The following RFX3 variants were observed in gnomAD, a reference collection of about 807,000 sequenced individuals.
RFX3 encodes transcription factor RFX3.
RFX3 carries 14 observed loss-of-function variants against 98.6 expected under a neutral mutation model. That is an observed-to-expected ratio of 0.14 (90% CI 0.09 to 0.22). The LOEUF (loss-of-function observed/expected upper bound fraction) is 0.22, where lower values mean the gene tolerates loss of function less well. Among genes scored for constraint, RFX3 ranks in the 10% least tolerant of loss-of-function variants. RFX3 has a pLI of 1.00. For missense variants in RFX3, 639 were observed against 926.9 expected, an observed-to-expected ratio of 0.69 and a Z score of 4.03; for synonymous variants, 383 against 328.4, an observed-to-expected ratio of 1.17 and a Z score of -1.80.
At chr9:3,333,064 ATCAGTACTCTCAACACTTAACACAGT>A (rs1343664526) in intron 3 of RFX3, among the ~76,000 whole-genome samples, 1 of 152,194 alleles carries the variant, frequency 6.6e-6, no homozygotes, top group East Asian at 1.9e-4. Flanking sequence ...TCCTACTCCC[ATCAGTACTCTCAACACTTAACACAGT>A]TGCTGGTACA....
intron 9 of RFX3, among the ~76,000 whole-genome samples, chr9:3,274,222 G>A (rs912819773): frequency 6.6e-6 from 1 of 152,120 alleles, no homozygotes; most frequent in Non-Finnish European, 1.5e-5. Flanking sequence ...TCAGATTTGC[G>A]CTAGCAATTC....
chr9:3,507,293 T>C (rs1817197690), intron 1 of RFX3, among the ~76,000 whole-genome samples: 2 of 151,782 alleles, frequency 1.3e-5, no homozygotes, highest in African/African-American at 2.4e-5. Flanking sequence ...TCTAATAGAA[T>C]AAAGGATGAG....
At chr9:3,311,294 C>G (rs776787402) in intron 4 of RFX3, among the ~76,000 whole-genome samples, 4 of 152,006 alleles carry the variant, frequency 2.6e-5, no homozygotes, top group Non-Finnish European at 5.9e-5. Flanking sequence ...ACATTTCTAC[C>G]TGGTTTGCAT....
intron 2 of RFX3, among the ~76,000 whole-genome samples, chr9:3,380,948 T>C (rs1463505327): frequency 6.6e-6 from 1 of 152,156 alleles, no homozygotes; most frequent in Non-Finnish European, 1.5e-5. Context: ...TGATAAAGTT[T>C]CTCAACTTCT....
chr9:3,320,627 T>TACAC (rs57819521), intron 4 of RFX3, among the ~76,000 whole-genome samples: 71 of 147,384 alleles, frequency 4.8e-4, no homozygotes, highest in East Asian at 3.9e-3. Flanking sequence ...TGTTTCTATT[T>TACAC]ACACACACAC....
chr9:3,235,821 G>C (rs965247373), intron 15 of RFX3, among the ~76,000 whole-genome samples: 33 of 152,014 alleles, frequency 2.2e-4, no homozygotes, highest in Non-Finnish European at 4.9e-4. Flanking sequence ...GGGCACACCT[G>C]GATAATCCAG....
At chr9:3,430,931 T>A (rs1243531416) in intron 1 of RFX3, among the ~76,000 whole-genome samples, 1 of 152,166 alleles carries the variant, frequency 6.6e-6, no homozygotes, top group Non-Finnish European at 1.5e-5. Context: ...ATAAATCCAT[T>A]ATAAAAAGTT....
At chr9:3,340,067 G>A (rs970459489) in intron 3 of RFX3, among the ~76,000 whole-genome samples, 1 of 152,060 alleles carries the variant, frequency 6.6e-6, no homozygotes, top group African/African-American at 2.4e-5. Flanking sequence ...ATAGACCAAC[G>A]GAACAGAACA....
intron 2 of RFX3, among the ~76,000 whole-genome samples, chr9:3,382,708 A>T (rs1214507531): frequency 1.3e-5 from 2 of 152,134 alleles, no homozygotes; most frequent in African/African-American, 4.8e-5. Context: ...GTAATTCTTA[A>T]TTAACATCTG....
intron 2 of RFX3, among the ~76,000 whole-genome samples, chr9:3,363,528 G>A (rs1315580039): frequency 1.1e-4 from 17 of 152,118 alleles, no homozygotes; most frequent in Non-Finnish European, 1.5e-5. Context: ...TGCAGCCAAA[G>A]CACTATAGTC....
At chr9:3,511,583 A>G (rs1001724433) in intron 1 of RFX3, among the ~76,000 whole-genome samples, 3 of 152,050 alleles carry the variant, frequency 2.0e-5, no homozygotes, top group African/African-American at 7.2e-5. Context: ...ACTTTGAAGG[A>G]AATATTCCAG....
intron 15 of RFX3, among the ~76,000 whole-genome samples, chr9:3,241,665 A>G (rs1819940744): frequency 6.6e-6 from 1 of 152,248 alleles, no homozygotes; most frequent in Non-Finnish European, 1.5e-5. Context: ...GTGCTAATGT[A>G]GATGAGCAGA....
At chr9:3,449,339 C>G (rs1005273600) in intron 1 of RFX3, among the ~76,000 whole-genome samples, 2 of 152,172 alleles carry the variant, frequency 1.3e-5, no homozygotes, top group South Asian at 4.1e-4. Flanking sequence ...TATTTTCATC[C>G]CAGAGCTCTT....
intron 15 of RFX3, among the ~76,000 whole-genome samples, chr9:3,234,287 CA>C (rs1379384785): frequency 6.6e-6 from 1 of 152,164 alleles, no homozygotes; most frequent in South Asian, 2.1e-4. Flanking sequence ...CAGTGTAGTG[CA>C]AAAATAGCCA....
intron 1 of RFX3, among the ~76,000 whole-genome samples, chr9:3,470,124 T>C (rs1034965765): frequency 1.3e-5 from 2 of 152,100 alleles, no homozygotes; most frequent in East Asian, 1.9e-4. Context: ...GGTTTAAGTA[T>C]AGACACAGAC....
chr9:3,468,388 A>G (rs1350929910), intron 1 of RFX3, among the ~76,000 whole-genome samples: 1 of 152,212 alleles, frequency 6.6e-6, no homozygotes, highest in Admixed American at 6.5e-5. Context: ...AAGTACACCA[A>G]GTGGCAATCA....
At chr9:3,419,112 G>A (rs1318044167) in intron 1 of RFX3, among the ~76,000 whole-genome samples, 1 of 152,140 alleles carries the variant, frequency 6.6e-6, no homozygotes, top group Non-Finnish European at 1.5e-5. Flanking sequence ...ACATTCAGCA[G>A]TATAGCACTG....
chr9:3,506,684 C>T (rs1817132339), intron 1 of RFX3, among the ~76,000 whole-genome samples: 1 of 151,380 alleles, frequency 6.6e-6, no homozygotes, highest in Non-Finnish European at 1.5e-5. Flanking sequence ...ATATATGAGT[C>T]TAGAATTTCA....
intron 3 of RFX3, among the ~76,000 whole-genome samples, chr9:3,337,875 T>C (rs774255455): frequency 2.0e-5 from 3 of 152,222 alleles, no homozygotes; most frequent in Non-Finnish European, 4.4e-5. Context: ...ATGGAGTTTT[T>C]ACATGGGCCA....
Sources: gnomAD v4.1 joint callset for allele counts (sites outside exome capture counted in the v4.1 genomes callset) on GRCh38, gnomAD v4.1.1 for gene constraint, MANE v1.5 for transcripts, NCBI Gene and HGNC (gene_info 2026-07-23, HGNC 2026-07-21) for gene names.